The following RGS6 variants were observed in gnomAD, a reference collection of about 807,000 sequenced individuals.
The protein encoded by RGS6 is regulator of G-protein signaling 6.
RGS6 carries 30 observed loss-of-function variants against 78.5 expected under a neutral mutation model. That is an observed-to-expected ratio of 0.38 (90% CI 0.29 to 0.52). RGS6 has a LOEUF of 0.52. Ranked by LOEUF, RGS6 falls within the 20% of genes least tolerant of loss-of-function variation. The pLI is 0.85. For missense variants in RGS6, 495 were observed against 609.7 expected (o/e 0.81, Z 1.98); for synonymous variants, 206 against 206.0 (o/e 1.00, Z 0.00).
chr14:72,422,240 G>T (rs994262007), intron 3 of RGS6, among the ~76,000 whole-genome samples: 7 of 152,180 alleles, frequency 4.6e-5, no homozygotes, highest in Non-Finnish European at 8.8e-5. Flanking sequence ...CCAGTCTTAG[G>T]TATGTCTTTA....
chr14:72,287,403 T>C (rs847338), intron 2 of RGS6, among the ~76,000 whole-genome samples: 150,374 of 152,330 alleles, frequency 0.99, 74,231 homozygotes, highest in East Asian at 1. Flanking sequence ...AGAAAAGCTT[T>C]TATTTTTCGT....
At chr14:71,895,271 A>G in the RGS6 span, among the ~76,000 whole-genome samples, 2 of 151,994 alleles carry the variant, frequency 1.3e-5, no homozygotes, top group Admixed American at 1.3e-4. Flanking sequence ...ACAACCTCTG[A>G]TCCCTGGGTT....
chr14:72,594,161 G>C, the RGS6 span, among the ~76,000 whole-genome samples: 1 of 152,042 alleles, frequency 6.6e-6, no homozygotes, highest in Non-Finnish European at 1.5e-5. Flanking sequence ...ACTTTACAGA[G>C]GAGCCCAGAG....
chr14:71,959,271 T>C (rs1017113661), intron 1 of RGS6, among the ~76,000 whole-genome samples: 1 of 152,178 alleles, frequency 6.6e-6, no homozygotes, highest in African/African-American at 2.4e-5. Flanking sequence ...CTCGTACTAC[T>C]GAGCTAGCAC....
At chr14:71,972,293 G>A (rs896747226) in intron 2 of RGS6, among the ~76,000 whole-genome samples, 5 of 151,728 alleles carry the variant, frequency 3.3e-5, no homozygotes, top group Admixed American at 1.3e-4. Context: ...GGGCCATTTT[G>A]GAAGCCATCT....
intron 2 of RGS6, among the ~76,000 whole-genome samples, chr14:72,335,081 A>T (rs2075790742): frequency 7.2e-6 from 1 of 139,332 alleles, no homozygotes. Context: ...GGTCTTCTGC[A>T]CAAGCTCTCT....
At chr14:72,439,598 TCTC>T (rs1278522167) in intron 3 of RGS6, among the ~76,000 whole-genome samples, 1 of 152,172 alleles carries the variant, frequency 6.6e-6, no homozygotes, top group Non-Finnish European at 1.5e-5. Context: ...AAATACTTTC[TCTC>T]CTCCACATCT....
chr14:72,459,514 A>T, intron 5 of RGS6, 118 bp from the exon 6 acceptor site: 1 of 863,370 alleles, frequency 1.2e-6, no homozygotes, highest in South Asian at 1.4e-5. Flanking sequence ...ATTGTGGGGT[A>T]GCATCAGCAA....
intron 2 of RGS6, among the ~76,000 whole-genome samples, chr14:72,168,634 T>G: frequency 6.6e-6 from 1 of 152,348 alleles, no homozygotes; most frequent in Non-Finnish European, 1.5e-5. Context: ...TTAAATTAGT[T>G]CTAACTGTTT....
intron 12 of RGS6, among the ~76,000 whole-genome samples, chr14:72,488,754 C>T (rs2096533302): frequency 1.3e-5 from 2 of 152,152 alleles, no homozygotes; most frequent in Admixed American, 1.3e-4. Context: ...CCCTATTGTC[C>T]CCTCAGCCCA....
chr14:71,926,450 G>A, the RGS6 span, among the ~76,000 whole-genome samples: 197 of 152,188 alleles, frequency 1.3e-3, 2 homozygotes, highest in African/African-American at 4.6e-3. Flanking sequence ...CAGATGTGGT[G>A]GTGCATGCCT....
chr14:72,012,445 A>T (rs1193219673), intron 2 of RGS6, among the ~76,000 whole-genome samples: 2 of 152,194 alleles, frequency 1.3e-5, no homozygotes, highest in Non-Finnish European at 2.9e-5. Flanking sequence ...CTCTTTCCCC[A>T]TATATTTTAA....
At chr14:72,233,496 A>G (rs561621112) in intron 2 of RGS6, among the ~76,000 whole-genome samples, 28 of 152,334 alleles carry the variant, frequency 1.8e-4, no homozygotes, top group Middle Eastern at 3.4e-3. Context: ...ACTGTATTAA[A>G]AATAAGTTGA....
At chr14:72,046,644 C>T (rs2092867208) in intron 2 of RGS6, among the ~76,000 whole-genome samples, 1 of 151,618 alleles carries the variant, frequency 6.6e-6, no homozygotes, top group African/African-American at 2.4e-5. Flanking sequence ...AACCCTTCTT[C>T]CTTCTACTCT....
chr14:72,601,064 G>GGGGGAGGAGGAGGAC, the RGS6 span, among the ~76,000 whole-genome samples: 2,788 of 150,618 alleles, frequency 0.019, 92 homozygotes, highest in African/African-American at 0.066. Flanking sequence ...AGGAGGAGGA[G>GGGGGAGGAGGAGGAC]GGGGAGGAGG....
At chr14:72,148,177 T>A (rs2153629976) in intron 2 of RGS6, among the ~76,000 whole-genome samples, 1 of 146,088 alleles carries the variant, frequency 6.8e-6, no homozygotes, top group East Asian at 2.0e-4. Flanking sequence ...GAGGGTCACT[T>A]GAGGCCAGGA....
intron 6 of RGS6, among the ~76,000 whole-genome samples, chr14:72,459,976 A>G (rs1487359516): frequency 6.6e-6 from 1 of 152,192 alleles, no homozygotes; most frequent in Non-Finnish European, 1.5e-5. Flanking sequence ...AGGATCCCAC[A>G]GCAACACTAT....
the RGS6 span, among the ~76,000 whole-genome samples, chr14:71,925,329 TGCAGGTATTTCC>T: frequency 6.6e-6 from 1 of 152,238 alleles, no homozygotes; most frequent in South Asian, 2.1e-4. Context: ...ACATAAGGCT[TGCAGGTATTTCC>T]TCCCATTCCG....
intron 3 of RGS6, among the ~76,000 whole-genome samples, chr14:72,449,115 A>T (rs906926168): frequency 2.6e-5 from 4 of 152,184 alleles, no homozygotes; most frequent in South Asian, 2.1e-4. Context: ...CCTGGCAGGA[A>T]TGTGAAAATC....
Sources: gnomAD v4.1 joint callset for allele counts (sites outside exome capture counted in the v4.1 genomes callset) on GRCh38, gnomAD v4.1.1 for gene constraint, MANE v1.5 for transcripts, NCBI Gene and HGNC (gene_info 2026-07-23, HGNC 2026-07-21) for gene names.